Variants in LCLAT1 observed in about 807,000 individuals in gnomAD.
LCLAT1 encodes the protein 1-AGP acyltransferase 8.
In LCLAT1, 11 loss-of-function variants were observed where a neutral mutation model predicts 30.7. The ratio of observed to expected loss-of-function variants is 0.36; its 90% CI spans 0.23 to 0.59. The LOEUF is 0.59. Ranked by LOEUF, LCLAT1 falls within the 20% of genes least tolerant of loss-of-function variation. The pLI, the probability that LCLAT1 is intolerant of heterozygous loss-of-function variation, is 0.77. For synonymous variants in LCLAT1, 155 were observed against 151.3 expected, an observed-to-expected ratio of 1.02 and a Z score of -0.18; for missense variants, 402 against 458.6, an observed-to-expected ratio of 0.88 and a Z score of 1.13.
intron 1 of LCLAT1, among the ~76,000 whole-genome samples, chr2:30,524,978 T>G (rs895552298): frequency 6.6e-5 from 10 of 152,020 alleles, no homozygotes; most frequent in African/African-American, 2.4e-4. Context: ...GAAAAAACTC[T>G]GGAATATTTT....
intron 1 of LCLAT1, among the ~76,000 whole-genome samples, chr2:30,517,460 A>G (rs1429642211): frequency 1.4e-4 from 22 of 152,220 alleles, no homozygotes; most frequent in Admixed American, 1.0e-3. Context: ...TCCTCCCCCA[A>G]TTTCTACCCA....
intron 5 of LCLAT1, among the ~76,000 whole-genome samples, chr2:30,634,070 A>T (rs2593474): frequency 0.88 from 133,583 of 152,270 alleles, 59,018 homozygotes; most frequent in African/African-American, 0.97. Context: ...AAGCTTCTGT[A>T]ACTTAAACAT....
chr2:30,608,795 A>T (rs1667592247), intron 5 of LCLAT1, among the ~76,000 whole-genome samples: 1 of 152,116 alleles, frequency 6.6e-6, no homozygotes, highest in African/African-American at 2.4e-5. Flanking sequence ...CATCTCTCAG[A>T]ACATATCCCC....
chr2:30,559,412 T>G (rs980700096), intron 3 of LCLAT1, among the ~76,000 whole-genome samples: 7 of 152,234 alleles, frequency 4.6e-5, no homozygotes, highest in Non-Finnish European at 1.0e-4. Flanking sequence ...CTGTCATTAT[T>G]GTATACCAAA....
intron 1 of LCLAT1, among the ~76,000 whole-genome samples, chr2:30,496,920 T>C (rs1467421649): frequency 1.3e-5 from 2 of 152,202 alleles, no homozygotes; most frequent in Non-Finnish European, 2.9e-5. Context: ...GCTCTGCTAC[T>C]GTTATTATTT....
intron 3 of LCLAT1, among the ~76,000 whole-genome samples, chr2:30,548,362 C>T (rs775404132): frequency 3.6e-4 from 55 of 152,026 alleles, no homozygotes; most frequent in African/African-American, 1.1e-3. Context: ...TAGGGAGCCA[C>T]GGGACATCAA....
chr2:30,455,132 GTATT>G (rs956055769), intron 1 of LCLAT1, among the ~76,000 whole-genome samples: 17 of 152,110 alleles, frequency 1.1e-4, no homozygotes, highest in African/African-American at 3.4e-4. Flanking sequence ...TTCTAAAGCC[GTATT>G]TATTTCTCTT....
intron 1 of LCLAT1, among the ~76,000 whole-genome samples, chr2:30,489,762 C>T (rs1163688279): frequency 6.6e-6 from 1 of 152,220 alleles, no homozygotes; most frequent in Non-Finnish European, 1.5e-5. Context: ...AGGCAGGGAT[C>T]AGGGAGTGCC....
At chr2:30,466,232 TTC>T (rs1380177343) in intron 1 of LCLAT1, among the ~76,000 whole-genome samples, 1 of 147,916 alleles carries the variant, frequency 6.8e-6, no homozygotes, top group Non-Finnish European at 1.5e-5. Context: ...TTTTCTTTTT[TTC>T]TTTTCTTTTC....
At chr2:30,494,604 ATG>A (rs1299347694) in intron 1 of LCLAT1, among the ~76,000 whole-genome samples, 1 of 151,756 alleles carries the variant, frequency 6.6e-6, no homozygotes, top group Non-Finnish European at 1.5e-5. Flanking sequence ...GCATGCACGT[ATG>A]TGTGTATGCA....
chr2:30,531,573 C>G (rs1217240408), intron 2 of LCLAT1, among the ~76,000 whole-genome samples: 1 of 151,538 alleles, frequency 6.6e-6, no homozygotes, highest in Non-Finnish European at 1.5e-5. Flanking sequence ...GGATTAAATA[C>G]CCATGCTGAA....
At chr2:30,523,397 C>T (rs1685567786) in intron 1 of LCLAT1, among the ~76,000 whole-genome samples, 1 of 151,988 alleles carries the variant, frequency 6.6e-6, no homozygotes, top group Non-Finnish European at 1.5e-5. Context: ...TGTGTGAGCT[C>T]TGGGAATTGT....
intron 1 of LCLAT1, among the ~76,000 whole-genome samples, chr2:30,481,739 G>T (rs113517834): frequency 3.1e-4 from 47 of 152,118 alleles, no homozygotes; most frequent in Non-Finnish European, 5.0e-4. Context: ...GAGGGAATGG[G>T]AAGTGAGGAA....
At chr2:30,460,078 T>C (rs1682036677) in intron 1 of LCLAT1, among the ~76,000 whole-genome samples, 1 of 152,242 alleles carries the variant, frequency 6.6e-6, no homozygotes, top group South Asian at 2.1e-4. Flanking sequence ...CACTTTCTGC[T>C]GCATGCAGTA....
chr2:30,640,884 G>T lies in LCLAT1; in HGVS notation c.*265G>T. On this transcript the variant is annotated 3_prime_UTR_variant, in exon 6 of 6. Coordinates refer to ENST00000379509, the MANE Select transcript of LCLAT1 (RefSeq NM_001002257.3). ...CCAGAATATTATTAAACAATCATCA[G>T]GCTTTTAGCGACAAGGAACACACAC... 1 of 358,724 alleles carries T rather than the reference G, an allele frequency of 2.8e-6. No individual in the cohort carries two copies. The highest frequency in any genetic ancestry group is 5.1e-6 in the Non-Finnish European group (1 of 197,506). 22.2% of individuals were successfully genotyped at this position (358,724 alleles called of 1,614,324 possible).
chr2:30,561,335 T>C (rs1665210409), intron 3 of LCLAT1, among the ~76,000 whole-genome samples: 1 of 152,194 alleles, frequency 6.6e-6, no homozygotes, highest in Admixed American at 6.5e-5. Flanking sequence ...TTCTCTGTGG[T>C]CCTAGGTGAA....
intron 3 of LCLAT1, among the ~76,000 whole-genome samples, chr2:30,555,647 T>A (rs1368656175): frequency 2.0e-5 from 3 of 152,044 alleles, no homozygotes; most frequent in Admixed American, 2.0e-4. Context: ...GTGATAGAAT[T>A]GAGGGCATGC....
chr2:30,513,193 G>A (rs1019872744), intron 1 of LCLAT1, among the ~76,000 whole-genome samples: 2 of 151,604 alleles, frequency 1.3e-5, no homozygotes, highest in African/African-American at 2.4e-5. Context: ...GATGTGTTAG[G>A]GTTTTTCACT....
At chr2:30,617,444 C>T (rs142265257) in intron 5 of LCLAT1, among the ~76,000 whole-genome samples, 53 of 152,246 alleles carry the variant, frequency 3.5e-4, no homozygotes, top group Non-Finnish European at 6.6e-4. Context: ...GACTGATAGA[C>T]ACCTGCGTTA....
Sources: allele counts gnomAD v4.1 joint callset (sites outside exome capture counted in the v4.1 genomes callset), GRCh38; gene constraint gnomAD v4.1.1; transcripts MANE v1.5; gene names NCBI Gene and HGNC (gene_info 2026-07-23, HGNC 2026-07-21).